The following TAF1 variants were observed in gnomAD, a reference collection of about 807,000 sequenced individuals.
The protein encoded by TAF1 is TATA-box binding protein associated factor 1.
TAF1 carries 2 observed loss-of-function variants against 138.5 expected under a neutral mutation model. That is an observed-to-expected ratio of 0.01 (90% confidence interval 0.01 to 0.05). The LOEUF is 0.05. Among genes scored for constraint, TAF1 ranks in the 10% least tolerant of loss-of-function variants. TAF1 has a pLI of 1.00. For synonymous variants in TAF1, 437 were observed against 503.2 expected (o/e 0.87, Z 1.76); for missense variants, 709 against 1,478.0 (o/e 0.48, Z 8.53).
At chrX:71,492,289 C>T (rs1008736735) in intron 13 of TAF1, 1 of 126,105 alleles carries the variant, frequency 7.9e-6, no homozygotes, top group East Asian at 2.6e-4. Flanking sequence ...GGGAGGTCTG[C>T]GGGGGACGCC....
intron 29 of TAF1, among the ~76,000 whole-genome samples, chrX:71,421,954 A>G (rs2036366588): frequency 8.9e-6 from 1 of 112,217 alleles, no homozygotes; most frequent in Non-Finnish European, 1.9e-5. Flanking sequence ...AATTTAAACC[A>G]CGATGTCACT....
At chrX:71,396,295 C>CT (rs368521405) in intron 22 of TAF1, among the ~76,000 whole-genome samples, 388 of 93,359 alleles carry the variant, frequency 4.2e-3, no homozygotes, top group East Asian at 0.022. Flanking sequence ...TGCTTGGGTA[C>CT]TTTTTTTTTT....
In TAF1 at chrX:71,384,142, C is replaced by T; in HGVS notation, c.2121+7C>T. On this transcript the variant is annotated splice_region_variant and intron_variant, in intron 13 of 37. Coordinates refer to ENST00000423759, the MANE Select transcript of TAF1 (RefSeq NM_004606.5). ...AAAGAACTATTATAAACGGGTGAGT[C>T]TCTGCTCAGAAAATTTTTTTCCCAT... is the stretch of plus-strand genomic sequence containing the variant. 8.3e-7 allele frequency: 1 copy of T among 1,205,232 alleles called. No homozygotes were observed. Among genetic ancestry groups the T allele is most frequent in the Admixed American group, 2.2e-5 (1 of 44,537 alleles).
intron 32 of TAF1, among the ~76,000 whole-genome samples, chrX:71,430,797 G>A (rs955925229): frequency 5.4e-5 from 6 of 110,975 alleles, no homozygotes; most frequent in Admixed American, 9.7e-5. Context: ...AGAAATTTCC[G>A]TTTTTGGAAG....
chrX:71,379,344 G>A lies in TAF1; in HGVS notation c.1360+313G>A, dbSNP rs776466147. ...TTGGTCAGGCAGGTCTCGAACTCCC[G>A]ACCTCAGGTGATCACCCGCCTCAGC... On this transcript the variant is annotated intron_variant, in intron 8 of 37. Coordinates refer to ENST00000423759, the MANE Select transcript of TAF1 (RefSeq NM_004606.5). 2.0e-4 allele frequency among the ~76,000 whole-genome samples: 22 copies of A among 108,436 alleles called. No individual in the cohort carries two copies. The South Asian group carries it at 8.0e-3, about 39-fold the overall frequency. The allele number at this position is 108,436 out of a possible 115,157, so 94.2% of individuals were successfully genotyped here.
chrX:71,430,133 C>T (rs1462833983), intron 32 of TAF1, among the ~76,000 whole-genome samples: 1 of 111,571 alleles, frequency 9.0e-6, no homozygotes, highest in African/African-American at 3.3e-5. Flanking sequence ...GTAATCCCAG[C>T]ACTTTGGGAG....
chrX:71,509,577 C>A lies in TAF1; in HGVS notation c.1367-18965C>A, dbSNP rs1207665501. ...TAGGGGCTGGGCATGGTGGCTCACA[C>A]CTGTAATCTCAGCACTTTGGGAGAC... On this transcript the variant is annotated intron_variant and NMD_transcript_variant, in intron 13 of 14. Transcript: ENST00000373775. Among the ~76,000 whole-genome samples the A allele has an allele frequency of 2.7e-5, 3 of 111,264 alleles. No individual in the cohort carries two copies. In the East Asian group the frequency reaches 8.4e-4, roughly 31 times the overall value.
At chrX:71,445,523 G>A (rs2037653338) in intron 32 of TAF1, among the ~76,000 whole-genome samples, 1 of 111,414 alleles carries the variant, frequency 9.0e-6, no homozygotes, top group Non-Finnish European at 1.9e-5. Context: ...CCATTGAATT[G>A]CCCTGTATGT....
intron 18 of TAF1, 49 bp downstream of exon 18, chrX:71,389,714 C>A: frequency 1.0e-6 from 1 of 990,702 alleles, no homozygotes; most frequent in Non-Finnish European, 1.4e-6. Flanking sequence ...TCTCATTTAT[C>A]CTTTTAAAAG....
intron 13 of TAF1, among the ~76,000 whole-genome samples, chrX:71,513,309 G>T (rs1050824084): frequency 2.7e-5 from 3 of 111,898 alleles, no homozygotes; most frequent in African/African-American, 9.7e-5. Context: ...GACACAGGGG[G>T]ATGGGTGGAC....
intron 13 of TAF1, among the ~76,000 whole-genome samples, chrX:71,524,019 CTTTTTTTTTT>C (rs397895424): frequency 3.9e-5 from 3 of 76,376 alleles, no homozygotes; most frequent in African/African-American, 1.4e-4. Context: ...TGTAATAGTT[CTTTTTTTTTT>C]TTTTTTTTTT....
intron 32 of TAF1, among the ~76,000 whole-genome samples, chrX:71,428,441 T>G (rs1336214556): frequency 8.9e-6 from 1 of 111,846 alleles, no homozygotes; most frequent in African/African-American, 3.2e-5. Context: ...ATTTGAACAT[T>G]GGCCCCACCA....
At chrX:71,386,672 C>T (rs1036623034) in intron 14 of TAF1, among the ~76,000 whole-genome samples, 4 of 112,451 alleles carry the variant, frequency 3.6e-5, no homozygotes, top group South Asian at 3.6e-4. Flanking sequence ...GTCATGTTGC[C>T]GAGGCTGGTC....
intron 13 of TAF1, among the ~76,000 whole-genome samples, chrX:71,523,345 T>C (rs1053654444): frequency 1.8e-5 from 2 of 111,583 alleles, no homozygotes; most frequent in South Asian, 7.4e-4. Context: ...TTTAGTATCA[T>C]ATAAAGTTAA....
intron 18 of TAF1, among the ~76,000 whole-genome samples, chrX:71,390,736 C>T (rs2034510621): frequency 8.9e-6 from 1 of 111,778 alleles, no homozygotes; most frequent in African/African-American, 3.2e-5. Flanking sequence ...TGGCTCATGC[C>T]TGTAGTCCCA....
intron 28 of TAF1, among the ~76,000 whole-genome samples, chrX:71,419,257 C>T (rs1466831243): frequency 2.7e-5 from 3 of 110,033 alleles, no homozygotes; most frequent in African/African-American, 6.6e-5. Context: ...CTTTATTCAT[C>T]GCACGTATTA....
intron 32 of TAF1, among the ~76,000 whole-genome samples, chrX:71,429,792 G>C (rs1026629284): frequency 3.6e-5 from 4 of 110,885 alleles, no homozygotes; most frequent in Admixed American, 9.6e-5. Flanking sequence ...GGGGTGTAGA[G>C]ATACTTAGGA....
At chrX:71,371,581 G>A (rs1325118433) in intron 3 of TAF1, among the ~76,000 whole-genome samples, 1 of 112,000 alleles carries the variant, frequency 8.9e-6, no homozygotes, top group African/African-American at 3.2e-5. Context: ...ACCAAGGATA[G>A]AGCAATTTCA....
At chrX:71,413,360 A>G (rs765862792) in intron 28 of TAF1, among the ~76,000 whole-genome samples, 11 of 111,801 alleles carry the variant, frequency 9.8e-5, no homozygotes, top group African/African-American at 3.6e-4. Flanking sequence ...GTTATTGTCT[A>G]TCTTTTTCCT....
Sources: gnomAD v4.1 joint callset for allele counts (sites outside exome capture counted in the v4.1 genomes callset) on GRCh38, gnomAD v4.1.1 for gene constraint, MANE v1.5 for transcripts, NCBI Gene and HGNC (gene_info 2026-07-23, HGNC 2026-07-21) for gene names.